CENPC: variants seen among roughly 807,000 people sequenced by gnomAD.
The protein encoded by CENPC is centromere protein C.
CENPC carries 63 observed loss-of-function variants against 112.1 expected under a neutral mutation model. The ratio of observed to expected loss-of-function variants is 0.56; its 90% CI spans 0.46 to 0.69. CENPC has a LOEUF of 0.69. Among genes scored for constraint, CENPC ranks in the 30% least tolerant of loss-of-function variants. The probability of loss-of-function intolerance (pLI) is 0.00; values close to 1 mark genes in which losing one functional copy is unlikely to be tolerated. For missense variants in CENPC, 1,000 were observed against 1,103.8 expected, an observed-to-expected ratio of 0.91 and a Z score of 1.33; for synonymous variants, 333 against 367.6, an observed-to-expected ratio of 0.91 and a Z score of 1.08.
At chr4:67,504,174 TCTTA>T (rs1577986072) in intron 12 of CENPC, among the ~76,000 whole-genome samples, 1 of 149,340 alleles carries the variant, frequency 6.7e-6, no homozygotes, top group East Asian at 2.0e-4. Context: ...GAGACCAAGC[TCTTA>T]ACTAATGTAC....
chr4:67,485,660 CTCCT>C (rs1345174957), intron 17 of CENPC, among the ~76,000 whole-genome samples: 1 of 152,106 alleles, frequency 6.6e-6, no homozygotes, highest in Non-Finnish European at 1.5e-5. Flanking sequence ...ATTATTTCTC[CTCCT>C]TATTTTTTAT....
intron 2 of CENPC, among the ~76,000 whole-genome samples, chr4:67,542,340 A>T (rs13114022): frequency 2.6e-5 from 4 of 152,206 alleles, no homozygotes; most frequent in Non-Finnish European, 5.9e-5. Flanking sequence ...CCTATCAGCC[A>T]GAGTTTACTG....
At chr4:67,491,578 C>T (rs1420328930) in intron 16 of CENPC, among the ~76,000 whole-genome samples, 1 of 147,004 alleles carries the variant, frequency 6.8e-6, no homozygotes, top group Non-Finnish European at 1.5e-5. Context: ...CCCACTATAG[C>T]CCATCCCTTG....
At chr4:67,528,153 A>C (rs1051502723) in intron 5 of CENPC, among the ~76,000 whole-genome samples, 3 of 152,180 alleles carry the variant, frequency 2.0e-5, no homozygotes, top group Admixed American at 1.3e-4. Context: ...GTAAGTGCTG[A>C]ATTAAAATTT....
At position 67,520,849 on chromosome 4, in the gene CENPC, T is replaced by A. The variant is rs991054730; in HGVS notation, c.332-1347A>T. Among the ~76,000 whole-genome samples, 6 of 151,880 alleles carry A rather than the reference T, an allele frequency of 4.0e-5. No individual in the cohort carries two copies. In the East Asian group the frequency reaches 1.2e-3, roughly 29 times the overall value. On this transcript the variant is annotated intron_variant, in intron 5 of 18. Coordinates refer to ENST00000273853, the MANE Select transcript of CENPC (RefSeq NM_001812.4). The stretch of plus-strand genomic sequence containing the variant: ...CAACATGGCGAAACCCCATCTCTAC[T>A]AAAAATACAAAAATTAGCCAGGCGT...
intron 10 of CENPC, among the ~76,000 whole-genome samples, chr4:67,507,226 TAC>T (rs2109795415): frequency 6.6e-6 from 1 of 151,874 alleles, no homozygotes; most frequent in African/African-American, 2.4e-5. Flanking sequence ...TGATATATAT[TAC>T]AGTTAATCTA....
At chr4:67,473,261 T>A (rs1405102156) in intron 18 of CENPC, among the ~76,000 whole-genome samples, 1 of 152,150 alleles carries the variant, frequency 6.6e-6, no homozygotes, top group East Asian at 1.9e-4. Context: ...AGGCAAATGC[T>A]ACTCTTAAAT....
intron 17 of CENPC, among the ~76,000 whole-genome samples, chr4:67,484,532 G>C (rs1725035760): frequency 6.6e-6 from 1 of 152,110 alleles, no homozygotes; most frequent in South Asian, 2.1e-4. Context: ...GATTCTCTCA[G>C]GCACATGAAC....
intron 10 of CENPC, among the ~76,000 whole-genome samples, chr4:67,507,641 G>C (rs1725773805): frequency 6.6e-6 from 1 of 152,088 alleles, no homozygotes; most frequent in Admixed American, 6.6e-5. Context: ...CTCAGGCACA[G>C]GTGGCTTCAC....
intron 12 of CENPC, among the ~76,000 whole-genome samples, chr4:67,501,306 T>TCAAA (rs997841477): frequency 3.3e-5 from 5 of 152,066 alleles, no homozygotes; most frequent in South Asian, 2.1e-4. Flanking sequence ...AGACTCCATC[T>TCAAA]CAAACAAACA....
intron 5 of CENPC, among the ~76,000 whole-genome samples, chr4:67,520,874 T>G (rs963346932): frequency 6.6e-6 from 1 of 151,974 alleles, no homozygotes; most frequent in Non-Finnish European, 1.5e-5. Flanking sequence ...TAGCCAGGCG[T>G]AGTGGCACAT....
At chr4:67,544,017 G>A (rs936591559) in intron 2 of CENPC, 132 bp downstream of exon 2, 2 of 622,284 alleles carry the variant, frequency 3.2e-6, no homozygotes, top group African/African-American at 3.8e-5. Context: ...GTTAGTATAA[G>A]ATGACTACCC....
At chr4:67,498,183 C>T (rs996094753) in intron 12 of CENPC, among the ~76,000 whole-genome samples, 5 of 151,746 alleles carry the variant, frequency 3.3e-5, no homozygotes, top group South Asian at 2.1e-4. Flanking sequence ...TTCAGTGAGC[C>T]GAGATCACAC....
intron 5 of CENPC, among the ~76,000 whole-genome samples, chr4:67,521,374 A>T (rs929887849): frequency 3.3e-5 from 5 of 151,912 alleles, no homozygotes; most frequent in Non-Finnish European, 5.9e-5. Context: ...AGCATTTTTT[A>T]AAAAAAAGTT....
At chr4:67,502,136 C>A in intron 12 of CENPC, among the ~76,000 whole-genome samples, 1 of 151,756 alleles carries the variant, frequency 6.6e-6, no homozygotes. Flanking sequence ...AAAAAAAGAT[C>A]ATGACTCAAG....
rs1724640473 is a variant in CENPC at position 67,470,800 on chromosome 4, T to C, written c.*1805A>G. On this transcript the variant is annotated 3_prime_UTR_variant, in exon 19 of 19. Coordinates refer to ENST00000273853, the MANE Select transcript of CENPC (RefSeq NM_001812.4). Reference sequence around the variant, plus strand: ...CAGCAGAGGTATAAACCTACAACTTTGTAAGTCAAAAGTAAAAAAATCACT... The same window carrying C: ...CAGCAGAGGTATAAACCTACAACTTCGTAAGTCAAAAGTAAAAAAATCACT... The C allele has an allele frequency of 6.6e-6, 1 of 152,122 alleles. No homozygotes were observed. Among genetic ancestry groups the C allele is most frequent in the Admixed American group, 6.5e-5 (1 of 15,274 alleles). 9.4% of individuals were successfully genotyped at this position (152,122 alleles called of 1,614,324 possible).
chr4:67,529,230 T>A (rs1726472859), intron 5 of CENPC, among the ~76,000 whole-genome samples: 1 of 152,214 alleles, frequency 6.6e-6, no homozygotes. Context: ...TGATTATAAA[T>A]CTCTATCATC....
chr4:67,505,474 T>G (rs1258307010), intron 11 of CENPC, among the ~76,000 whole-genome samples, 190 bp from the exon 12 acceptor site: 4 of 152,176 alleles, frequency 2.6e-5, no homozygotes, highest in Non-Finnish European at 4.4e-5. Context: ...CAGGATCCAC[T>G]GTGGATACCA....
chr4:67,514,214 T>G lies in CENPC; in HGVS notation c.1304A>C (p.Asp435Ala). The G allele has an allele frequency of 6.2e-7, 1 of 1,613,368 alleles. No homozygotes were observed. Among genetic ancestry groups the G allele is most frequent in the South Asian group, 1.1e-5 (1 of 91,012 alleles). The change falls in exon 8 of 19, where the codon GAT becomes GCT. Residue 435 changes from aspartate to alanine, a missense_variant. Transcript: ENST00000273853. ...GTTTTCATCTTTAGACTGTCCCACA[T>G]CAAGCTGTTCTTCAGCTGGTTTAGC... is the stretch of plus-strand genomic sequence containing the variant. ...FMAKPAEEQL[D>A]VGQSKDENIH...
Sources: gnomAD v4.1 joint callset for allele counts (sites outside exome capture counted in the v4.1 genomes callset) on GRCh38, gnomAD v4.1.1 for gene constraint, MANE v1.5 for transcripts, NCBI Gene and HGNC (gene_info 2026-07-23, HGNC 2026-07-21) for gene names.